The following BRCC3 variants were observed in gnomAD, a reference collection of about 807,000 sequenced individuals.
The protein encoded by BRCC3 is lys-63-specific deubiquitinase BRCC36.
BRCC3 carries 15 observed loss-of-function variants against 28.0 expected under a neutral mutation model. The ratio of observed to expected loss-of-function variants is 0.54; its 90% CI spans 0.36 to 0.82. BRCC3 has a LOEUF of 0.82. Among genes scored for constraint, BRCC3 ranks in the 40% least tolerant of loss-of-function variants. The probability of loss-of-function intolerance (pLI) is 0.01; values close to 1 mark genes in which losing one functional copy is unlikely to be tolerated. For synonymous variants in BRCC3, 66 were observed against 80.3 expected, an observed-to-expected ratio of 0.82 and a Z score of 0.95; for missense variants, 109 against 225.9, an observed-to-expected ratio of 0.48 and a Z score of 3.32.
chrX:155,116,296 G>T lies in BRCC3; in HGVS notation c.680+108G>T, dbSNP rs193236537. The T allele has an allele frequency of 5.0e-4, 369 of 742,139 alleles. 3 individuals carry two copies. The African/African-American group carries it at 7.1e-3, about 14-fold the overall frequency. 61.2% of individuals were successfully genotyped at this position (742,139 alleles called of 1,213,427 possible). A position where few individuals can be genotyped will look rare whatever the true frequency, so the allele number is the denominator to read the frequency against. On this transcript the variant is annotated intron_variant, in intron 8 of 10. Transcript: ENST00000330045. ...TCAACTCTTGAGGCCCCTTCTTTTT[G>T]CCTCTCTGGGAAGCTTTCTAGCAGT...
At chrX:155,080,432 G>A (rs1369772830) in intron 5 of BRCC3, among the ~76,000 whole-genome samples, 1 of 100,652 alleles carries the variant, frequency 9.9e-6, no homozygotes. Context: ...AGCAGTAACA[G>A]TAGTGGGAAC....
intron 3 of BRCC3, among the ~76,000 whole-genome samples, chrX:155,073,778 C>A (rs1445474066): frequency 9.0e-6 from 1 of 111,163 alleles, no homozygotes; most frequent in African/African-American, 3.3e-5. Flanking sequence ...AACATCTACT[C>A]ATGCAGCCCT....
At chrX:155,107,750 T>A (rs183347345) in intron 7 of BRCC3, among the ~76,000 whole-genome samples, 33 of 111,980 alleles carry the variant, frequency 2.9e-4, no homozygotes, top group African/African-American at 1.0e-3. Flanking sequence ...GTATGCTTTT[T>A]TATTACTGTT....
chrX:155,120,108 A>G lies in BRCC3; in HGVS notation c.834A>G (p.Gln278=), dbSNP rs1557299255. Residue 278 remains glutamine (Q), a synonymous_variant, in exon 10 of 11, where the codon CAA becomes CAG. Transcript: ENST00000330045. ...QNQQHLQELQ[Q]EKEELMQELS... Reference sequence around the variant, plus strand: ...AACAGCATTTGCAGGAATTACAACAAGAAAAGGAAGAGCTTATGCAAGAAC... The same window carrying G: ...AACAGCATTTGCAGGAATTACAACAGGAAAAGGAAGAGCTTATGCAAGAAC... The G allele has an allele frequency of 8.3e-7, 1 of 1,210,237 alleles. No homozygotes were observed. Among genetic ancestry groups the G allele is most frequent in the African/African-American group, 1.7e-5 (1 of 57,882 alleles).
At chrX:155,102,485 C>T (rs2074252259) in intron 7 of BRCC3, among the ~76,000 whole-genome samples, 1 of 111,731 alleles carries the variant, frequency 9.0e-6, no homozygotes. Context: ...TTGAAGGGTC[C>T]ATTGGATTAT....
chrX:155,078,068 G>T (rs1238051559), intron 4 of BRCC3, among the ~76,000 whole-genome samples: 1 of 112,417 alleles, frequency 8.9e-6, no homozygotes, highest in African/African-American at 3.2e-5. Context: ...TAAACACCGT[G>T]TGTGGATTAT....
At chrX:155,105,839 C>T (rs1472202338) in intron 7 of BRCC3, among the ~76,000 whole-genome samples, 1 of 111,848 alleles carries the variant, frequency 8.9e-6, no homozygotes, top group African/African-American at 3.3e-5. Flanking sequence ...GCAGGGATTA[C>T]AGGCACGTGC....
intron 4 of BRCC3, among the ~76,000 whole-genome samples, chrX:155,078,065 C>T (rs925205750): frequency 8.9e-6 from 1 of 112,224 alleles, no homozygotes; most frequent in Non-Finnish European, 1.9e-5. Context: ...TGCTAAACAC[C>T]GTGTGTGGAT....
intron 9 of BRCC3, among the ~76,000 whole-genome samples, chrX:155,118,278 G>A (rs141589220): frequency 8.2e-4 from 88 of 107,114 alleles, no homozygotes; most frequent in African/African-American, 1.3e-3. Flanking sequence ...AAAAGGACGC[G>A]TCTCAAGAAC....
At chrX:155,118,654 G>A (rs1470032317) in intron 9 of BRCC3, among the ~76,000 whole-genome samples, 2 of 112,195 alleles carry the variant, frequency 1.8e-5, no homozygotes, top group African/African-American at 6.5e-5. Flanking sequence ...TGTGACAGAA[G>A]GCAAAGGGGA....
At chrX:155,076,349 A>G (rs1177502143) in intron 3 of BRCC3, among the ~76,000 whole-genome samples, 1 of 111,086 alleles carries the variant, frequency 9.0e-6, no homozygotes, top group African/African-American at 3.3e-5. Context: ...AGATTGCACT[A>G]CTGCACTCCA....
intron 2 of BRCC3, 94 bp downstream of exon 2, chrX:155,072,437 G>A: frequency 1.0e-5 from 7 of 690,106 alleles, no homozygotes; most frequent in Non-Finnish European, 1.6e-5. Flanking sequence ...TCCGGATCGT[G>A]TCTTAAATTA....
intron 7 of BRCC3, among the ~76,000 whole-genome samples, chrX:155,099,933 T>TG (rs1360046225): frequency 8.9e-6 from 1 of 111,937 alleles, no homozygotes; most frequent in Admixed American, 9.5e-5. Context: ...TCCTGTCACT[T>TG]GCACTCATTG....
intron 9 of BRCC3, 82 bp downstream of exon 9, chrX:155,116,836 A>C: frequency 1.5e-6 from 1 of 679,330 alleles, no homozygotes; most frequent in South Asian, 2.7e-5. Flanking sequence ...AATTTAGTTT[A>C]AGTGAGTGAA....
In BRCC3 at chrX:155,083,415, CTG is replaced by C. The variant is rs1351727281; in HGVS notation, c.403+4714_403+4715del. On this transcript the variant is annotated intron_variant, in intron 5 of 10. Coordinates refer to ENST00000330045, the MANE Select transcript of BRCC3 (RefSeq NM_001018055.3). ...AGGAACCATTAGAAAGGAATTTCAT[CTG>C]TTTCTCTTGATTCACCTACTTGTCA... Among the ~76,000 whole-genome samples the C allele has an allele frequency of 3.6e-5, 4 of 112,177 alleles. No homozygotes were observed. In the Admixed American group the frequency reaches 3.8e-4, roughly 11 times the overall value.
intron 3 of BRCC3, among the ~76,000 whole-genome samples, chrX:155,076,751 T>C (rs1557293695): frequency 8.9e-6 from 1 of 111,922 alleles, no homozygotes; most frequent in Non-Finnish European, 1.9e-5. Context: ...AGCCCAGCCA[T>C]ATCAGCTCCT....
At chrX:155,102,808 T>C (rs987482584) in intron 7 of BRCC3, among the ~76,000 whole-genome samples, 6 of 112,561 alleles carry the variant, frequency 5.3e-5, no homozygotes, top group Admixed American at 4.7e-4. Flanking sequence ...TGTTGTATTT[T>C]GTCAAATGGT....
At chrX:155,089,225 T>C (rs371170397) in intron 5 of BRCC3, 38 bp from the exon 6 acceptor site, 50 of 964,501 alleles carry the variant, frequency 5.2e-5, no homozygotes, top group Middle Eastern at 3.7e-4. Flanking sequence ...AGACACAGCT[T>C]ATTGACAGAA....
intron 7 of BRCC3, among the ~76,000 whole-genome samples, chrX:155,107,009 ATTTC>A (rs1422891982): frequency 9.0e-6 from 1 of 111,128 alleles, no homozygotes; most frequent in African/African-American, 3.3e-5. Flanking sequence ...TATTTGTGCT[ATTTC>A]TTTTTTCCCT....
Sources: gnomAD v4.1 joint callset for allele counts (sites outside exome capture counted in the v4.1 genomes callset) on GRCh38, gnomAD v4.1.1 for gene constraint, MANE v1.5 for transcripts, NCBI Gene and HGNC (gene_info 2026-07-23, HGNC 2026-07-21) for gene names.